The following DIXDC1 variants were observed in gnomAD, a reference collection of about 807,000 sequenced individuals.
The protein encoded by DIXDC1 is DIX domain containing 1, also known as dixin.
Under a neutral mutation model 103.1 loss-of-function variants are expected in DIXDC1, and 64 were observed. That is an observed-to-expected ratio of 0.62 (90% confidence interval 0.51 to 0.76). The LOEUF (loss-of-function observed/expected upper bound fraction) is 0.76, where lower values mean the gene tolerates loss of function less well. DIXDC1 is among the 30% of genes least tolerant of loss of function. DIXDC1 has a pLI of 0.00. For missense variants in DIXDC1, 759 were observed against 834.2 expected, an observed-to-expected ratio of 0.91 and a Z score of 1.11; for synonymous variants, 266 against 298.5, an observed-to-expected ratio of 0.89 and a Z score of 1.12.
upstream of DIXDC1, among the ~76,000 whole-genome samples, chr11:111,933,529 A>G (rs983682261): frequency 6.6e-6 from 1 of 152,116 alleles, no homozygotes; most frequent in Admixed American, 6.5e-5. Context: ...TCCCGGGCTC[A>G]AGCGATCCTC....
intron 17 of DIXDC1, among the ~76,000 whole-genome samples, chr11:112,005,902 G>T (rs1592623979): frequency 6.6e-6 from 1 of 152,166 alleles, no homozygotes; most frequent in Non-Finnish European, 1.5e-5. Context: ...CACTTTGGGA[G>T]GCCAAGGCGG....
At chr11:111,974,648 G>C (rs888305367) in intron 4 of DIXDC1, among the ~76,000 whole-genome samples, 1 of 152,162 alleles carries the variant, frequency 6.6e-6, no homozygotes, top group Non-Finnish European at 1.5e-5. Context: ...ATGCTTTGTG[G>C]GTTGTGTATC....
At position 111,998,323 on chromosome 11, in the gene DIXDC1, T is replaced by C. The variant is rs1166249237; in HGVS notation, c.1756+2177T>C. Among the ~76,000 whole-genome samples the C allele has an allele frequency of 6.6e-6, 1 of 152,222 alleles. No homozygotes were observed. Among genetic ancestry groups the C allele is most frequent in the African/African-American group, 2.4e-5 (1 of 41,458 alleles). ...GAAGTAAATACCTGAGTTTTCCTTCTAGTCCCTCTTGAATCTCCTTTTATT... is the reference window on the plus strand; with the variant it reads ...GAAGTAAATACCTGAGTTTTCCTTCCAGTCCCTCTTGAATCTCCTTTTATT... On this transcript the variant is annotated intron_variant, in intron 17 of 19. Transcript: ENST00000440460. This position sits in a 1 kb window ranked among gnomAD's most constrained non-coding sequence, Gnocchi z 4.1.
chr11:111,956,293 G>A (rs1428760127), intron 1 of DIXDC1, among the ~76,000 whole-genome samples: 3 of 152,022 alleles, frequency 2.0e-5, no homozygotes, highest in Non-Finnish European at 4.4e-5. Flanking sequence ...CTATAGATTT[G>A]TTTCACAACA....
chr11:111,976,170 C>T lies in DIXDC1; in HGVS notation c.656+1187C>T, dbSNP rs587773725. On this transcript the variant is annotated intron_variant, in intron 5 of 19. Coordinates refer to ENST00000440460, the MANE Select transcript of DIXDC1 (RefSeq NM_001037954.4). The surrounding 1 kb of genome is among the most constrained non-coding windows in gnomAD (Gnocchi z 4.3). ...TTGCTGCTTAGGTTATCACCTGGAG[C>T]GGAATTACAGGATGTTTTGTTGTAT... Among the ~76,000 whole-genome samples, 8 of 152,258 alleles carry T rather than the reference C, an allele frequency of 5.3e-5. No homozygotes were observed. Among genetic ancestry groups the T allele is most frequent in the African/African-American group, 1.4e-4 (6 of 41,556 alleles).
At chr11:111,960,977 A>G (rs1859555756) in intron 1 of DIXDC1, among the ~76,000 whole-genome samples, 1 of 152,236 alleles carries the variant, frequency 6.6e-6, no homozygotes, top group South Asian at 2.1e-4. Flanking sequence ...TCTGCTTATG[A>G]AAAACTTCCC....
chr11:111,945,901 TGGA>T (rs1966574259), intron 1 of DIXDC1: 1 of 150,520 alleles, frequency 6.6e-6, no homozygotes, highest in Non-Finnish European at 1.5e-5. Context: ...CCCAAGTAGC[TGGA>T]ATTACAGGCA....
chr11:111,973,207 C>T (rs1555172228), intron 3 of DIXDC1, among the ~76,000 whole-genome samples: 4 of 150,668 alleles, frequency 2.7e-5, no homozygotes. Flanking sequence ...CCCATCTCTA[C>T]TAAAAATACA....
At chr11:111,934,302 A>G (rs1555167950), upstream of DIXDC1, among the ~76,000 whole-genome samples, 1 of 152,244 alleles carries the variant, frequency 6.6e-6, no homozygotes, top group Non-Finnish European at 1.5e-5. Flanking sequence ...ATATATAGAT[A>G]TTTGGGTAGC....
At chr11:112,009,322 A>G (rs1861339525) in intron 17 of DIXDC1, among the ~76,000 whole-genome samples, 1 of 152,192 alleles carries the variant, frequency 6.6e-6, no homozygotes, top group African/African-American at 2.4e-5. Flanking sequence ...TTAATAGCCT[A>G]CCAACCAAAA....
chr11:112,000,324 C>G (rs1555175854), intron 17 of DIXDC1, among the ~76,000 whole-genome samples: 1 of 152,064 alleles, frequency 6.6e-6, no homozygotes, highest in Admixed American at 6.6e-5. Flanking sequence ...ATAAAGAACT[C>G]TTACAACTCA....
intron 14 of DIXDC1, among the ~76,000 whole-genome samples, chr11:111,994,492 CAT>C (rs782209659): frequency 6.6e-6 from 1 of 150,848 alleles, no homozygotes; most frequent in African/African-American, 2.4e-5. Context: ...TATACACACA[CAT>C]ATATACATAC....
intron 7 of DIXDC1, 33 bp from the exon 8 acceptor site, chr11:111,985,199 G>A (rs782406151): frequency 3.2e-6 from 5 of 1,562,278 alleles, no homozygotes; most frequent in Middle Eastern, 1.7e-4. Context: ...CTGAAGGAGA[G>A]TTAAGTTTCT....
At chr11:111,992,540 T>G in intron 11 of DIXDC1, 21 bp downstream of exon 11, 1 of 1,547,376 alleles carries the variant, frequency 6.5e-7, no homozygotes, top group South Asian at 1.2e-5. Context: ...TGAATGAGCC[T>G]TGACCTCAGT....
At chr11:111,929,955 G>GTATT in intron 2 of DIXDC1, 1 of 1,494,414 alleles carries the variant, frequency 6.7e-7, no homozygotes, top group Non-Finnish European at 9.0e-7. Flanking sequence ...TGATGTTACT[G>GTATT]GAATTTCAAT....
At chr11:111,995,201 T>G in intron 15 of DIXDC1, 93 bp downstream of exon 15, 1 of 1,388,196 alleles carries the variant, frequency 7.2e-7, no homozygotes, top group South Asian at 1.2e-5. Flanking sequence ...CCTTTTATAT[T>G]CCAGTTCCCT....
chr11:111,948,860 C>T (rs1966685341), intron 1 of DIXDC1, among the ~76,000 whole-genome samples: 1 of 152,194 alleles, frequency 6.6e-6, no homozygotes. Context: ...CTCTTTTCCT[C>T]TTCTCTGAAA....
intron 8 of DIXDC1, among the ~76,000 whole-genome samples, chr11:111,986,225 A>G (rs1419286289): frequency 6.6e-6 from 1 of 152,090 alleles, no homozygotes. Context: ...TTCTGCATAC[A>G]ACTTTTCATT....
intron 3 of DIXDC1, among the ~76,000 whole-genome samples, chr11:111,970,244 G>A (rs1343992799): frequency 5.3e-5 from 8 of 151,672 alleles, no homozygotes; most frequent in Admixed American, 3.3e-4. Flanking sequence ...TTGTAGAGAC[G>A]GGATTTCATC....
Sources: allele counts gnomAD v4.1 joint callset (sites outside exome capture counted in the v4.1 genomes callset), GRCh38; gene constraint gnomAD v4.1.1; non-coding constraint Gnocchi (gnomAD v3.1); transcripts MANE v1.5; gene names NCBI Gene and HGNC (gene_info 2026-07-23, HGNC 2026-07-21).